MSRA: variants seen among roughly 807,000 people sequenced by gnomAD.
MSRA encodes methionine sulfoxide reductase A, also known as mitochondrial peptide methionine sulfoxide reductase.
MSRA carries 54 observed loss-of-function variants against 31.3 expected under a neutral mutation model. The observed-to-expected ratio is 1.73, with a 90% CI of 1.39 to 2.17. The LOEUF (loss-of-function observed/expected upper bound fraction) is 2.17. MSRA is among the 30% of genes most tolerant of loss of function. MSRA has a pLI of 0.00. For synonymous variants in MSRA, 169 were observed against 116.5 expected (o/e 1.45, Z -2.90); for missense variants, 507 against 300.9 (o/e 1.69, Z -5.07).
intron 5 of MSRA, among the ~76,000 whole-genome samples, chr8:10,407,778 G>C (rs1236448948): frequency 6.6e-6 from 1 of 152,148 alleles, no homozygotes; most frequent in South Asian, 2.1e-4. Context: ...CCCAGCACCT[G>C]AAGTATAGGA....
intron 5 of MSRA, among the ~76,000 whole-genome samples, chr8:10,394,154 T>C (rs1304430089): frequency 6.6e-6 from 1 of 152,236 alleles, no homozygotes; most frequent in East Asian, 1.9e-4. Flanking sequence ...GACGTCCTCA[T>C]TGTGATGAGT....
At chr8:10,353,642 G>C (rs1251932850) in intron 5 of MSRA, 2 of 456,270 alleles carry the variant, frequency 4.4e-6, no homozygotes, top group Middle Eastern at 3.3e-4. Flanking sequence ...ACTGGAAGAA[G>C]AGAACACAGA....
At chr8:10,086,588 C>T (rs568394815) in intron 1 of MSRA, among the ~76,000 whole-genome samples, 3 of 152,142 alleles carry the variant, frequency 2.0e-5, no homozygotes, top group East Asian at 3.9e-4. Context: ...TACCTATTTT[C>T]CTCCAAAGCT....
chr8:10,179,801 G>A (rs969507471), intron 1 of MSRA, among the ~76,000 whole-genome samples: 3 of 152,162 alleles, frequency 2.0e-5, no homozygotes, highest in Non-Finnish European at 2.9e-5. Context: ...AAGGTAAAGC[G>A]CTTAGCTCAG....
At chr8:10,320,196 C>CAGTGGCT (rs1054053680) in intron 5 of MSRA, 1 of 390,100 alleles carries the variant, frequency 2.6e-6, no homozygotes, top group African/African-American at 2.1e-5. Flanking sequence ...GGGCCAGGGC[C>CAGTGGCT]AGTGGCTCAT....
intron 1 of MSRA, among the ~76,000 whole-genome samples, chr8:10,108,736 A>T (rs1397275719): frequency 6.6e-5 from 10 of 152,150 alleles, no homozygotes; most frequent in Non-Finnish European, 4.4e-5. Flanking sequence ...TCTAGCACTT[A>T]TCAGAAATGC....
At chr8:10,068,815 A>G (rs1797589985) in intron 1 of MSRA, among the ~76,000 whole-genome samples, 1 of 152,210 alleles carries the variant, frequency 6.6e-6, no homozygotes, top group Non-Finnish European at 1.5e-5. Flanking sequence ...ATTCACAAAT[A>G]ACTTGCTGGG....
rs554028173 is a variant in MSRA, at chr8:10,298,465, G to A, written c.332-3069G>A. 4.6e-5 allele frequency among the ~76,000 whole-genome samples: 7 copies of A among 152,244 alleles called. No homozygotes were observed. The East Asian group carries it at 5.8e-4, about 13-fold the overall frequency. On this transcript the variant is annotated intron_variant, in intron 3 of 5. Coordinates refer to ENST00000317173, the MANE Select transcript of MSRA (RefSeq NM_012331.5). ...GTGGAAAGGGGGTTGCCAGGGCCCAGTGGGAGCGGGCAAGGGGAGTTGATA... is the reference window on the plus strand; with the variant it reads ...GTGGAAAGGGGGTTGCCAGGGCCCAATGGGAGCGGGCAAGGGGAGTTGATA...
At chr8:10,409,997 C>T (rs997414241) in intron 5 of MSRA, among the ~76,000 whole-genome samples, 1 of 152,218 alleles carries the variant, frequency 6.6e-6, no homozygotes, top group Admixed American at 6.5e-5. Context: ...GAGTTTGAGG[C>T]AGCAGTGAGC....
At chr8:10,243,142 G>C (rs1376997676) in intron 2 of MSRA, among the ~76,000 whole-genome samples, 1 of 152,200 alleles carries the variant, frequency 6.6e-6, no homozygotes, top group Non-Finnish European at 1.5e-5. Context: ...AAAATGGCCT[G>C]CCACGGACCT....
At chr8:10,130,723 C>G (rs17151158) in intron 1 of MSRA, among the ~76,000 whole-genome samples, 3,483 of 152,264 alleles carry the variant, frequency 0.023, 113 homozygotes, top group African/African-American at 0.078. Flanking sequence ...TCTCACAGTG[C>G]TTTTGAAGGC....
intron 1 of MSRA, among the ~76,000 whole-genome samples, chr8:10,144,780 C>T (rs927084555): frequency 2.4e-4 from 36 of 152,006 alleles, no homozygotes; most frequent in African/African-American, 8.5e-4. Flanking sequence ...GTGACAATTG[C>T]GGCTCACAGC....
intron 5 of MSRA, among the ~76,000 whole-genome samples, chr8:10,369,263 A>G (rs562381132): frequency 6.6e-6 from 1 of 152,058 alleles, no homozygotes; most frequent in East Asian, 1.9e-4. Flanking sequence ...AAAAAAAAAA[A>G]ACGAAGAAGA....
chr8:10,236,539 A>T (rs566768465), intron 2 of MSRA, among the ~76,000 whole-genome samples: 1 of 152,306 alleles, frequency 6.6e-6, no homozygotes, highest in African/African-American at 2.4e-5. Context: ...ATGTAATACA[A>T]ATATTTAAGA....
chr8:10,120,640 T>A (rs1801040891), intron 1 of MSRA, among the ~76,000 whole-genome samples: 1 of 152,242 alleles, frequency 6.6e-6, no homozygotes, highest in South Asian at 2.1e-4. Context: ...GATACCCAGA[T>A]GAGAAGGCAT....
intron 1 of MSRA, among the ~76,000 whole-genome samples, chr8:10,076,917 T>C (rs1798021053): frequency 6.7e-6 from 1 of 150,228 alleles, no homozygotes; most frequent in Non-Finnish European, 1.5e-5. Context: ...GGGAGAACAT[T>C]AGAAAAAAAA....
intron 5 of MSRA, among the ~76,000 whole-genome samples, chr8:10,389,232 C>A (rs141409438): frequency 8.5e-5 from 13 of 152,250 alleles, no homozygotes; most frequent in African/African-American, 3.1e-4. Context: ...TCCTGGGTGA[C>A]TTGAAATAAG....
chr8:10,082,321 G>T (rs1331280522), intron 1 of MSRA, among the ~76,000 whole-genome samples: 1 of 152,100 alleles, frequency 6.6e-6, no homozygotes, highest in Non-Finnish European at 1.5e-5. Flanking sequence ...GATGGGGGAG[G>T]GGCCACACTG....
intron 1 of MSRA, among the ~76,000 whole-genome samples, chr8:10,136,714 G>C (rs564757443): frequency 2.0e-5 from 3 of 152,228 alleles, no homozygotes; most frequent in Non-Finnish European, 2.9e-5. Flanking sequence ...CCTGAGGCAA[G>C]GCAGGAGCCC....
Sources: gnomAD v4.1 joint callset for allele counts (sites outside exome capture counted in the v4.1 genomes callset) on GRCh38, gnomAD v4.1.1 for gene constraint, MANE v1.5 for transcripts, NCBI Gene and HGNC (gene_info 2026-07-23, HGNC 2026-07-21) for gene names.